Variants in PCDHA3 observed in about 807,000 individuals in gnomAD.
PCDHA3 encodes the protein protocadherin alpha 3.
In PCDHA3, 41 loss-of-function variants were observed where a neutral mutation model predicts 62.2. The ratio of observed to expected loss-of-function variants is 0.66; its 90% CI spans 0.51 to 0.86. PCDHA3 has a LOEUF of 0.86. PCDHA3 is among the 40% of genes least tolerant of loss of function. The probability of loss-of-function intolerance (pLI) is 0.00; values close to 1 mark genes in which losing one functional copy is unlikely to be tolerated. For synonymous variants in PCDHA3, 640 were observed against 555.4 expected (o/e 1.15, Z -2.14); for missense variants, 1,304 against 1,241.2 (o/e 1.05, Z -0.76).
intron 1 of PCDHA3, chr5:140,824,865 T>C (rs1306398379): frequency 1.3e-5 from 2 of 152,140 alleles, no homozygotes; most frequent in Non-Finnish European, 1.5e-5. Flanking sequence ...TTCAATTGTA[T>C]TTTTGCAGCA....
At position 140,856,827 on chromosome 5, in the gene PCDHA3, T is replaced by C. The variant is rs1201833720; in HGVS notation, c.2394+53236T>C. 4.4e-6 allele frequency: 7 copies of C among 1,592,096 alleles called. 1 individual carries two copies. The African/African-American group carries it at 5.4e-5, about 12-fold the overall frequency. ...GAAAATCAAGTGAACCAAACATTAG[T>C]AATACGGCTCAACGCTTCTGATTCG... is the stretch of plus-strand genomic sequence containing the variant. On this transcript the variant is annotated intron_variant, in intron 1 of 3. Transcript: ENST00000522353.
intron 1 of PCDHA3, chr5:140,966,280 G>A (rs782249047): frequency 2.0e-4 from 74 of 365,660 alleles, no homozygotes; most frequent in Middle Eastern, 6.9e-4. Context: ...CTGGACAGTG[G>A]GGGTAGGGAG....
At chr5:141,002,203 G>T (rs2153973237) in intron 3 of PCDHA3, among the ~76,000 whole-genome samples, 1 of 152,296 alleles carries the variant, frequency 6.6e-6, no homozygotes, top group East Asian at 1.9e-4. Flanking sequence ...ATAGTCCCCG[G>T]CTTTAATCAA....
intron 3 of PCDHA3, among the ~76,000 whole-genome samples, chr5:140,986,408 C>G (rs1587158509): frequency 6.6e-6 from 1 of 152,176 alleles, no homozygotes; most frequent in East Asian, 1.9e-4. Context: ...GCTCATGTTA[C>G]AGCTCTTTTT....
chr5:140,854,800 A>G (rs1032685213), intron 1 of PCDHA3: 4 of 149,738 alleles, frequency 2.7e-5, no homozygotes, highest in African/African-American at 9.8e-5. Flanking sequence ...GAGAGAAAAA[A>G]ATATTTTTAC....
chr5:140,974,672 T>G lies in PCDHA3; in HGVS notation c.2395-4277T>G, dbSNP rs186958750. On this transcript the variant is annotated intron_variant, in intron 1 of 3. Coordinates refer to ENST00000522353, the MANE Select transcript of PCDHA3 (RefSeq NM_018906.3). ...GATTACAGGCATGCGCCACCATGCC[T>G]GGCTAATTTTGTATTTTTGGGTTTC... 4.6e-3 allele frequency among the ~76,000 whole-genome samples: 694 copies of G among 152,134 alleles called. 4 individuals are homozygous for G. Among genetic ancestry groups the G allele is most frequent in the African/African-American group, 0.016 (672 of 41,518 alleles).
At chr5:140,858,549 G>C in intron 1 of PCDHA3, 1 of 1,394,430 alleles carries the variant, frequency 7.2e-7, no homozygotes, top group South Asian at 1.2e-5. Context: ...TTCCATTTAT[G>C]CTTGAATATT....
At chr5:140,851,162 G>C in intron 1 of PCDHA3, 1 of 1,294,640 alleles carries the variant, frequency 7.7e-7, no homozygotes, top group African/African-American at 1.5e-5. Context: ...CTGATGCTAT[G>C]CTGCCATAAC....
intron 1 of PCDHA3, among the ~76,000 whole-genome samples, chr5:140,897,045 C>T (rs1362151452): frequency 3.3e-5 from 5 of 152,090 alleles, no homozygotes; most frequent in African/African-American, 9.7e-5. Context: ...TCACCCTATT[C>T]TGCTGTCAAA....
chr5:140,927,049 C>T (rs1554203972), intron 1 of PCDHA3: 5 of 1,611,932 alleles, frequency 3.1e-6, no homozygotes, highest in Non-Finnish European at 4.2e-6. Context: ...TATGTCCTCG[C>T]GGAACTTTCG....
intron 1 of PCDHA3, among the ~76,000 whole-genome samples, chr5:140,895,055 A>G (rs1313066261): frequency 6.6e-6 from 1 of 152,118 alleles, no homozygotes; most frequent in East Asian, 1.9e-4. Context: ...ATTCTGCTTC[A>G]TATGGACTCA....
At chr5:140,848,856 G>C in intron 1 of PCDHA3, 1 of 1,590,682 alleles carries the variant, frequency 6.3e-7, no homozygotes, top group Non-Finnish European at 8.6e-7. Context: ...CCATGTGGAC[G>C]TGGAGGTGAA....
At chr5:140,929,293 A>G in intron 1 of PCDHA3, 1 of 1,594,458 alleles carries the variant, frequency 6.3e-7, no homozygotes, top group Non-Finnish European at 8.6e-7. Flanking sequence ...GATTCGGAAT[A>G]GGAAAGGGGA....
Position 140,851,830 on chromosome 5 carries a change from T to A in PCDHA3, c.2394+48239T>A, listed in dbSNP as rs565233003. The A allele has an allele frequency of 1.6e-4, 153 of 967,896 alleles. 10 individuals carry two copies. In the African/African-American group the frequency reaches 2.0e-3, roughly 13 times the overall value. 60.0% of individuals were successfully genotyped at this position (967,896 alleles called of 1,614,324 possible). On this transcript the variant is annotated intron_variant, in intron 1 of 3. Transcript: ENST00000522353. ...TCCATAAGACAGAAATCTGTTTTTT[T>A]AAAAATATCTTTTTCTCCTCTCAGC...
chr5:141,009,868 G>C lies in PCDHA3; in HGVS notation c.2784G>C (p.Lys928Asn). 1 of 1,614,022 alleles carries C rather than the reference G, an allele frequency of 6.2e-7. No individual in the cohort carries two copies. Among genetic ancestry groups the C allele is most frequent in the Non-Finnish European group, 8.5e-7 (1 of 1,180,004 alleles). Residue 928 changes from lysine (K) to asparagine (N), a missense_variant, in exon 4 of 4, where the codon AAG becomes AAC. Transcript: ENST00000522353. ...AGGAGACCAAGAAAAAGAAGAAAAA[G>C]AAGAAGGGTAACAAGACCCAGGAGA... ...KKEETKKKKKKKKGNKTQEKK... is the reference protein window; with the variant it reads ...KKEETKKKKKNKKGNKTQEKK...
chr5:140,857,663 G>A lies in PCDHA3; in HGVS notation c.2394+54072G>A, dbSNP rs377441915. ...ACAGTTCCAGGTGAGCGCGCGCGAT[G>A]GGGGCGTGCCGCCTCTGGGCAGCAA... On this transcript the variant is annotated intron_variant, in intron 1 of 3. Transcript: ENST00000522353. The A allele has an allele frequency of 1.9e-5, 30 of 1,596,736 alleles. 2 individuals are homozygous for A. Among genetic ancestry groups the A allele is most frequent in the Non-Finnish European group, 2.3e-5 (27 of 1,167,780 alleles).
chr5:140,831,986 C>G (rs915163215), intron 1 of PCDHA3, among the ~76,000 whole-genome samples: 1 of 152,134 alleles, frequency 6.6e-6, no homozygotes, highest in African/African-American at 2.4e-5. Flanking sequence ...ACTCTCATTA[C>G]GGATTCCATA....
At chr5:140,884,152 T>G (rs1279761986) in intron 1 of PCDHA3, 7 of 1,613,332 alleles carry the variant, frequency 4.3e-6, no homozygotes, top group East Asian at 2.2e-5. Context: ...GGCTGTACAC[T>G]GGCGAGATCA....
At chr5:140,841,244 G>A in intron 1 of PCDHA3, 1 of 1,496,324 alleles carries the variant, frequency 6.7e-7, no homozygotes, top group South Asian at 1.4e-5. Context: ...CAGCGGAATT[G>A]GATTAAAAGA....
Sources: allele counts gnomAD v4.1 joint callset (sites outside exome capture counted in the v4.1 genomes callset), GRCh38; gene constraint gnomAD v4.1.1; transcripts MANE v1.5; gene names NCBI Gene and HGNC (gene_info 2026-07-23, HGNC 2026-07-21).